MYPN: variants seen among roughly 807,000 people sequenced by gnomAD.
MYPN encodes myopalladin.
A neutral mutation model predicts 129.4 loss-of-function variants in MYPN; 63 were observed. The ratio of observed to expected loss-of-function variants is 0.49; its 90% CI spans 0.40 to 0.60. The LOEUF is 0.60. MYPN is among the 20% of genes least tolerant of loss of function. The probability of loss-of-function intolerance (pLI) is 0.00; values close to 1 mark genes in which losing one functional copy is unlikely to be tolerated. For synonymous variants in MYPN, 629 were observed against 600.9 expected (o/e 1.05, Z -0.68); for missense variants, 1,596 against 1,635.4 (o/e 0.98, Z 0.42).
At chr10:68,137,211 A>G (rs867825832) in intron 2 of MYPN, among the ~76,000 whole-genome samples, 7 of 152,308 alleles carry the variant, frequency 4.6e-5, no homozygotes, top group Admixed American at 3.9e-4. Context: ...CATTGTTCGC[A>G]TATCTCTTTA....
At chr10:68,163,012 A>C (rs2043001687) in intron 8 of MYPN, among the ~76,000 whole-genome samples, 1 of 152,136 alleles carries the variant, frequency 6.6e-6, no homozygotes, top group Admixed American at 6.5e-5. Context: ...CCTTAAACAA[A>C]AGCCTTATGA....
In MYPN at chr10:68,097,142, T is replaced by G. The variant is rs550806657; in HGVS notation, c.-2+9150T>G. On this transcript the variant is annotated intron_variant, in intron 1 of 6. Coordinates refer to the MYPN transcript ENST00000685154. ...GGTTCAGGAACATGGTAACTAGATA[T>G]GAAGCATTTTACCTCTATGTTACCG... Among the ~76,000 whole-genome samples the G allele has an allele frequency of 2.0e-3, 304 of 152,342 alleles. 2 individuals are homozygous for G. The highest frequency in any genetic ancestry group is 6.4e-3 in the African/African-American group (267 of 41,582).
intron 15 of MYPN, among the ~76,000 whole-genome samples, chr10:68,195,857 C>T (rs1291366453): frequency 1.3e-5 from 2 of 152,022 alleles, no homozygotes; most frequent in African/African-American, 4.8e-5. Flanking sequence ...GGCTGGAGTG[C>T]AGTCGTGTGA....
At chr10:68,099,742 T>C (rs2041973305) in intron 1 of MYPN, among the ~76,000 whole-genome samples, 1 of 152,212 alleles carries the variant, frequency 6.6e-6, no homozygotes, top group Non-Finnish European at 1.5e-5. Flanking sequence ...CTTTGACTAG[T>C]GAGAGATAGT....
chr10:68,126,455 A>T (rs933683907), intron 2 of MYPN, among the ~76,000 whole-genome samples: 1 of 152,184 alleles, frequency 6.6e-6, no homozygotes, highest in Non-Finnish European at 1.5e-5. Flanking sequence ...ATTTAAGGAT[A>T]ATTAATCTGC....
intron 2 of MYPN, 151 bp from the exon 3 acceptor site, chr10:68,142,789 C>T: frequency 1.3e-6 from 1 of 777,240 alleles, no homozygotes; most frequent in South Asian, 1.5e-5. Context: ...ACTCTTCTCA[C>T]TGTTACAAAA....
At chr10:68,122,416 A>T in intron 2 of MYPN, 76 bp downstream of exon 2, 1 of 1,500,122 alleles carries the variant, frequency 6.7e-7, no homozygotes. Flanking sequence ...TTATCATTTA[A>T]GCACCTGGTT....
At chr10:68,105,477 A>C (rs2042004839), upstream of MYPN, among the ~76,000 whole-genome samples, 1 of 152,218 alleles carries the variant, frequency 6.6e-6, no homozygotes, top group South Asian at 2.1e-4. Context: ...AGGAGTACAT[A>C]CATGGTAACA....
At chr10:68,179,155 T>G (rs765660873) in intron 12 of MYPN, among the ~76,000 whole-genome samples, 44 of 152,200 alleles carry the variant, frequency 2.9e-4, no homozygotes, top group Non-Finnish European at 4.1e-4. Context: ...CTTTCATCTC[T>G]TACCATGAAT....
intron 12 of MYPN, among the ~76,000 whole-genome samples, chr10:68,187,796 G>A (rs2043445053): frequency 6.6e-6 from 1 of 152,108 alleles, no homozygotes; most frequent in Non-Finnish European, 1.5e-5. Context: ...AGAAAGAGAA[G>A]GAAAGACCAG....
In MYPN at chr10:68,206,877, C is replaced by T. The variant is rs542627169; in HGVS notation, c.3767C>T (p.Ser1256Leu). Reference protein sequence around the residue: ...LSAKNEAGIVSCTARLDIYAQ... With the variant: ...LSAKNEAGIVLCTARLDIYAQ... Reference sequence around the variant, plus strand: ...GCCAAGAATGAAGCCGGCATCGTGTCGTGCACTGCCAGGCTGGATATATAC... The same window carrying T: ...GCCAAGAATGAAGCCGGCATCGTGTTGTGCACTGCCAGGCTGGATATATAC... Residue 1256 changes from serine to leucine, a missense_variant, in exon 19 of 20, where the codon TCG becomes TTG. Physicochemically the swap from Ser to Leu is moderately radical, Grantham distance 145. Coordinates refer to ENST00000358913, the MANE Select transcript of MYPN (RefSeq NM_032578.4). 9 of 1,614,200 alleles carry T rather than the reference C, an allele frequency of 5.6e-6. No homozygotes were observed. Among genetic ancestry groups the T allele is most frequent in the Middle Eastern group, 1.6e-4 (1 of 6,062 alleles).
intron 1 of MYPN, among the ~76,000 whole-genome samples, chr10:68,090,515 G>T (rs1012140391): frequency 2.0e-5 from 3 of 152,096 alleles, no homozygotes; most frequent in African/African-American, 7.2e-5. Flanking sequence ...ATGAATATGT[G>T]CAATATAGAG....
chr10:68,093,021 A>G (rs989599274), intron 1 of MYPN, among the ~76,000 whole-genome samples: 1 of 152,122 alleles, frequency 6.6e-6, no homozygotes. Flanking sequence ...TACATCAAAA[A>G]TTATCTGAAA....
In MYPN at chr10:68,165,838, A is replaced by G; in HGVS notation, c.1600+20A>G. ...TGAGAGGTAAGGACTCTTTAATGCT[A>G]GAACAGTTTAGCCTATGACTTTGAG... On this transcript the variant is annotated intron_variant, in intron 9 of 19. Transcript: ENST00000358913. 6.3e-7 allele frequency: 1 copy of G among 1,575,362 alleles called. No homozygotes were observed. The highest frequency in any genetic ancestry group is 2.2e-5 in the East Asian group (1 of 44,710).
chr10:68,149,963 C>A (rs1336226430), intron 5 of MYPN, 77 bp from the exon 6 acceptor site: 1 of 1,352,170 alleles, frequency 7.4e-7, no homozygotes, highest in Non-Finnish European at 1.1e-6. Context: ...ATACCAAATT[C>A]TATAGGTTTG....
chr10:68,172,732 A>T (rs2043161728), intron 10 of MYPN, among the ~76,000 whole-genome samples: 1 of 152,208 alleles, frequency 6.6e-6, no homozygotes, highest in African/African-American at 2.4e-5. Context: ...GCATATAATC[A>T]TCATTCAAAT....
At chr10:68,196,120 G>C (rs1256244154) in intron 15 of MYPN, among the ~76,000 whole-genome samples, 1 of 152,118 alleles carries the variant, frequency 6.6e-6, no homozygotes, top group Non-Finnish European at 1.5e-5. Context: ...TGCTTTTAAT[G>C]GTTCAAAATT....
intron 12 of MYPN, among the ~76,000 whole-genome samples, chr10:68,182,806 T>C (rs954677268): frequency 6.6e-6 from 1 of 151,956 alleles, no homozygotes; most frequent in East Asian, 1.9e-4. Flanking sequence ...CCACGCCCGG[T>C]CTCTAATAGT....
At chr10:68,155,970 T>G (rs1358860478) in intron 6 of MYPN, among the ~76,000 whole-genome samples, 5 of 152,208 alleles carry the variant, frequency 3.3e-5, no homozygotes, top group African/African-American at 1.2e-4. Context: ...GTTAAATGAA[T>G]AACAACCAAC....
Sources: allele counts gnomAD v4.1 joint callset (sites outside exome capture counted in the v4.1 genomes callset), GRCh38; gene constraint gnomAD v4.1.1; transcripts MANE v1.5; gene names NCBI Gene and HGNC (gene_info 2026-07-23, HGNC 2026-07-21).